The following FAAH2 variants were observed in gnomAD, a reference collection of about 807,000 sequenced individuals.
The protein encoded by FAAH2 is fatty-acid amide hydrolase 2.
A neutral mutation model predicts 36.9 loss-of-function variants in FAAH2; 60 were observed. That is an observed-to-expected ratio of 1.63 (90% CI 1.32 to 2.02). The LOEUF (loss-of-function observed/expected upper bound fraction) is 2.02, where lower values mean the gene tolerates loss of function less well. Ranked by LOEUF, FAAH2 falls within the 30% of genes most tolerant of loss-of-function variation. The pLI is 0.00. For missense variants in FAAH2, 689 were observed against 397.5 expected, an observed-to-expected ratio of 1.73 and a Z score of -6.23; for synonymous variants, 214 against 143.8, an observed-to-expected ratio of 1.49 and a Z score of -3.49.
the FAAH2 span, among the ~76,000 whole-genome samples, chrX:57,260,452 G>C: frequency 1.8e-5 from 2 of 112,006 alleles, no homozygotes; most frequent in South Asian, 3.6e-4. Context: ...ACTATCAAAA[G>C]TGTAGAAGAA....
intron 3 of FAAH2, among the ~76,000 whole-genome samples, chrX:57,324,446 A>G (rs1215126474): frequency 9.0e-6 from 1 of 111,584 alleles, no homozygotes; most frequent in Admixed American, 9.5e-5. Flanking sequence ...GGCCATTTTC[A>G]TGATATTGAT....
At chrX:57,295,574 G>T (rs1421686092) in intron 2 of FAAH2, among the ~76,000 whole-genome samples, 2 of 111,998 alleles carry the variant, frequency 1.8e-5, no homozygotes, top group Non-Finnish European at 1.9e-5. Context: ...CGGAGGTACT[G>T]GGTTCATCTC....
the FAAH2 span, among the ~76,000 whole-genome samples, chrX:57,258,327 A>C: frequency 2.7e-5 from 3 of 111,853 alleles, no homozygotes; most frequent in South Asian, 7.4e-4. Context: ...TAAGACCTGA[A>C]ACCATAAATC....
intron 3 of FAAH2, among the ~76,000 whole-genome samples, chrX:57,311,993 G>A (rs1315498171): frequency 1.8e-5 from 2 of 112,248 alleles, no homozygotes; most frequent in Non-Finnish European, 3.8e-5. Context: ...TTCTGGGCAA[G>A]GTGAGATGGG....
chrX:57,359,192 C>CACT (rs1303894641), intron 5 of FAAH2, among the ~76,000 whole-genome samples: 7 of 110,922 alleles, frequency 6.3e-5, no homozygotes, highest in African/African-American at 2.3e-4. Context: ...CCTCATCCTT[C>CACT]ACTACCCTTA....
chrX:57,417,169 A>G (rs1458227796), intron 7 of FAAH2, among the ~76,000 whole-genome samples: 3 of 111,794 alleles, frequency 2.7e-5, no homozygotes, highest in African/African-American at 9.8e-5. Flanking sequence ...TTGGGTTAGA[A>G]CATGCTCCTT....
At chrX:57,390,792 A>T (rs1041116422) in intron 7 of FAAH2, among the ~76,000 whole-genome samples, 4 of 111,552 alleles carry the variant, frequency 3.6e-5, no homozygotes, top group Non-Finnish European at 7.5e-5. Context: ...ACAACACACA[A>T]GTTTAGGTGT....
intron 2 of FAAH2, among the ~76,000 whole-genome samples, chrX:57,301,770 A>G (rs2052379775): frequency 9.0e-6 from 1 of 111,344 alleles, no homozygotes; most frequent in African/African-American, 3.3e-5. Flanking sequence ...TGGTTGTCTC[A>G]CCCACCAGAC....
intron 8 of FAAH2, among the ~76,000 whole-genome samples, chrX:57,443,317 G>A (rs181559548): frequency 9.0e-6 from 1 of 110,653 alleles, no homozygotes; most frequent in Non-Finnish European, 1.9e-5. Context: ...TTTTTTACTC[G>A]TTTTTCTCTA....
intron 7 of FAAH2, among the ~76,000 whole-genome samples, chrX:57,425,460 C>T (rs1483524054): frequency 9.0e-6 from 1 of 111,332 alleles, no homozygotes; most frequent in African/African-American, 3.3e-5. Flanking sequence ...CTAAAATTAG[C>T]AACAGAAACG....
At chrX:57,236,111 C>T in the FAAH2 span, among the ~76,000 whole-genome samples, 2 of 111,777 alleles carry the variant, frequency 1.8e-5, no homozygotes, top group African/African-American at 3.2e-5. Context: ...CTTTCTGTGC[C>T]TCGCTTATTT....
chrX:57,382,876 A>C (rs2054894370), intron 7 of FAAH2, among the ~76,000 whole-genome samples: 2 of 111,531 alleles, frequency 1.8e-5, no homozygotes, highest in Non-Finnish European at 3.8e-5. Flanking sequence ...ACAACCAAGA[A>C]AGAGAATTTT....
intron 7 of FAAH2, among the ~76,000 whole-genome samples, chrX:57,404,180 A>G (rs1050747116): frequency 3.6e-5 from 4 of 112,417 alleles, no homozygotes; most frequent in African/African-American, 9.7e-5. Context: ...TACACTGACA[A>G]CAAAGTGGTA....
At chrX:57,411,794 T>C (rs1333991131) in intron 7 of FAAH2, among the ~76,000 whole-genome samples, 2 of 111,899 alleles carry the variant, frequency 1.8e-5, no homozygotes, top group East Asian at 5.6e-4. Context: ...ATACAGTTAA[T>C]GGGAAACTAC....
chrX:57,426,759 A>G (rs1452731840), intron 7 of FAAH2, among the ~76,000 whole-genome samples: 2 of 111,689 alleles, frequency 1.8e-5, no homozygotes, highest in Non-Finnish European at 3.8e-5. Flanking sequence ...TGGTATTTAC[A>G]TGGAAGTTTA....
At chrX:57,314,945 A>T (rs111353621) in intron 3 of FAAH2, among the ~76,000 whole-genome samples, 1,305 of 111,237 alleles carry the variant, frequency 0.012, 16 homozygotes, top group African/African-American at 0.04. Context: ...TAGAGAACTT[A>T]GTAAAATATA....
chrX:57,328,261 C>T (rs1250002751), intron 3 of FAAH2, among the ~76,000 whole-genome samples: 1 of 111,617 alleles, frequency 9.0e-6, no homozygotes, highest in East Asian at 2.8e-4. Context: ...TTGGGGGTGC[C>T]TCCCAGTTAG....
chrX:57,181,750 T>C, the FAAH2 span, among the ~76,000 whole-genome samples: 2 of 111,556 alleles, frequency 1.8e-5, no homozygotes, highest in East Asian at 5.6e-4. Context: ...TATGGAACCA[T>C]AAAAAAGCCT....
At chrX:57,382,248 A>T (rs2054872483) in intron 7 of FAAH2, among the ~76,000 whole-genome samples, 2 of 111,827 alleles carry the variant, frequency 1.8e-5, no homozygotes, top group African/African-American at 3.3e-5. Context: ...TGGCACTCTA[A>T]CATCACAATT....
Sources: allele counts gnomAD v4.1 joint callset (sites outside exome capture counted in the v4.1 genomes callset), GRCh38; gene constraint gnomAD v4.1.1; transcripts MANE v1.5; gene names NCBI Gene and HGNC (gene_info 2026-07-23, HGNC 2026-07-21).